IL16: variants seen among roughly 807,000 people sequenced by gnomAD.
IL16 encodes the protein pro-interleukin-16.
A neutral mutation model predicts 110.1 loss-of-function variants in IL16; 67 were observed. The observed-to-expected ratio is 0.61, with a 90% CI of 0.50 to 0.75. IL16 has a LOEUF of 0.75. Among genes scored for constraint, IL16 ranks in the 30% least tolerant of loss-of-function variants. IL16 has a pLI of 0.00. For synonymous variants in IL16, 689 were observed against 662.9 expected, an observed-to-expected ratio of 1.04 and a Z score of -0.61; for missense variants, 1,545 against 1,655.0, an observed-to-expected ratio of 0.93 and a Z score of 1.15.
At chr15:81,216,042 G>C (rs66484136) in intron 1 of IL16, among the ~76,000 whole-genome samples, 12,817 of 152,254 alleles carry the variant, frequency 0.084, 548 homozygotes, top group Middle Eastern at 0.1. Flanking sequence ...ATGTAGGAAG[G>C]CTTGCAGAAC....
chr15:81,282,402 C>A (rs8025180), intron 8 of IL16, among the ~76,000 whole-genome samples: 3 of 152,112 alleles, frequency 2.0e-5, no homozygotes, highest in Non-Finnish European at 2.9e-5. Flanking sequence ...CTCCTTCCCT[C>A]CTTCCCTTCC....
rs754106914 is a variant in IL16, at chr15:81,308,588, C to A, written c.3806-17C>A. 7 of 1,580,832 alleles carry A rather than the reference C, an allele frequency of 4.4e-6. No individual in the cohort carries two copies. Among genetic ancestry groups the A allele is most frequent in the Non-Finnish European group, 6.0e-6 (7 of 1,164,120 alleles). ...CCCCATCATCTGTGGAACCCATTAC[C>A]TTCTCCCTCATTTCAGGAGCAGCCT... On this transcript the variant is annotated splice_polypyrimidine_tract_variant and intron_variant, in intron 18 of 18. Transcript: ENST00000683961.
At chr15:81,286,380 G>A (rs1199534051) in intron 10 of IL16, among the ~76,000 whole-genome samples, 1 of 152,200 alleles carries the variant, frequency 6.6e-6, no homozygotes, top group Non-Finnish European at 1.5e-5. Context: ...GATCATTCCA[G>A]GAGGTGGGAA....
intron 4 of IL16, among the ~76,000 whole-genome samples, chr15:81,269,144 C>T (rs1043576791): frequency 1.3e-5 from 2 of 152,238 alleles, no homozygotes; most frequent in Admixed American, 6.5e-5. Context: ...GGGGAGTTCT[C>T]AGTAAATGTG....
At position 81,185,796 on chromosome 15, in the gene IL16, A is replaced by G. The variant is rs1268093367; in HGVS notation, c.40+2900A>G. On this transcript the variant is annotated intron_variant, in intron 1 of 18. Coordinates refer to the IL16 transcript ENST00000302987. Reference sequence around the variant, plus strand: ...CGTGGGGCTTCCCTGAGGAGGTGCTATTTGAGTTGTTTTCTGAAGGGTGTG... The same window carrying G: ...CGTGGGGCTTCCCTGAGGAGGTGCTGTTTGAGTTGTTTTCTGAAGGGTGTG... 5.9e-5 allele frequency among the ~76,000 whole-genome samples: 9 copies of G among 152,252 alleles called. No individual in the cohort carries two copies. The East Asian group carries it at 1.7e-3, about 29-fold the overall frequency.
At chr15:81,231,537 T>C (rs1896989286) in intron 2 of IL16, among the ~76,000 whole-genome samples, 1 of 152,116 alleles carries the variant, frequency 6.6e-6, no homozygotes, top group Non-Finnish European at 1.5e-5. Context: ...CATGCCTGGC[T>C]AATTTTTGTA....
intron 1 of IL16, among the ~76,000 whole-genome samples, chr15:81,215,543 C>T (rs1896394975): frequency 6.6e-6 from 1 of 152,184 alleles, no homozygotes; most frequent in South Asian, 2.1e-4. Context: ...CAAATGGCCC[C>T]TTCACCAGGT....
At chr15:81,188,523 C>T in intron 1 of IL16, 1 of 444,090 alleles carries the variant, frequency 2.3e-6, no homozygotes, top group South Asian at 1.6e-5. Context: ...TCCCTCAGGT[C>T]AGACACTAGT....
At chr15:81,225,186 T>C in intron 1 of IL16, 113 bp from the exon 2 acceptor site, 1 of 811,926 alleles carries the variant, frequency 1.2e-6, no homozygotes, top group Non-Finnish European at 1.9e-6. Context: ...GATCTGCCCA[T>C]CTGTCCTGCT....
At chr15:81,278,689 A>G (rs1041512125) in intron 6 of IL16, 128 bp from the exon 7 acceptor site, 3 of 713,562 alleles carry the variant, frequency 4.2e-6, no homozygotes, top group Non-Finnish European at 5.1e-6. Flanking sequence ...AAAATGAGAA[A>G]ATGTTCTTCC....
intron 9 of IL16, among the ~76,000 whole-genome samples, chr15:81,283,707 T>C (rs990831751): frequency 2.6e-5 from 4 of 152,178 alleles, no homozygotes; most frequent in African/African-American, 9.7e-5. Flanking sequence ...GGTGGCTTAA[T>C]GACAAAAATA....
At chr15:81,247,697 G>T (rs138212081) in intron 2 of IL16, among the ~76,000 whole-genome samples, 1 of 152,040 alleles carries the variant, frequency 6.6e-6, no homozygotes, top group African/African-American at 2.4e-5. Flanking sequence ...CTACTTCAGC[G>T]AAGATACCAA....
At chr15:81,280,993 C>T (rs184217088) in intron 8 of IL16, among the ~76,000 whole-genome samples, 86 of 152,284 alleles carry the variant, frequency 5.6e-4, no homozygotes, top group African/African-American at 2.0e-3. Flanking sequence ...TCTTAGACTC[C>T]ACCCCCAGAG....
At chr15:81,194,308 C>A (rs74030006), upstream of IL16, among the ~76,000 whole-genome samples, 8,912 of 152,094 alleles carry the variant, frequency 0.059, 891 homozygotes, top group African/African-American at 0.2. Flanking sequence ...AGGAGATGAC[C>A]CTGTTGTGTC....
rs1253269083 is a variant in IL16, at chr15:81,310,873, C to T, written c.*2075C>T. On this transcript the variant is annotated 3_prime_UTR_variant, in exon 19 of 19. Coordinates refer to ENST00000683961, the MANE Select transcript of IL16 (RefSeq NM_172217.5). ...AGCAAGTGATTGGGACAGAGGTTAT[C>T]TGTCCCAGGTTATCTGGGCATAGAT... 2 of 152,264 alleles carry T rather than the reference C, an allele frequency of 1.3e-5. No homozygotes were observed. Among genetic ancestry groups the T allele is most frequent in the African/African-American group, 4.8e-5 (2 of 41,460 alleles). 9.4% of individuals were successfully genotyped at this position (152,264 alleles called of 1,614,324 possible).
At chr15:81,201,666 T>A (rs990873712) in intron 1 of IL16, among the ~76,000 whole-genome samples, 1 of 152,224 alleles carries the variant, frequency 6.6e-6, no homozygotes, top group African/African-American at 2.4e-5. Flanking sequence ...TTTATTATAT[T>A]GCCACTTTGT....
chr15:81,231,668 C>T (rs1480398304), intron 2 of IL16, among the ~76,000 whole-genome samples: 4 of 152,196 alleles, frequency 2.6e-5, no homozygotes, highest in Non-Finnish European at 4.4e-5. Flanking sequence ...CCACTCTGCT[C>T]GGCCTACCCA....
upstream of IL16, chr15:81,196,794 C>T: frequency 3.7e-6 from 4 of 1,080,594 alleles, no homozygotes; most frequent in Non-Finnish European, 2.3e-6. Flanking sequence ...ACTGGCAGCC[C>T]CCCTTTTTGG....
intron 2 of IL16, among the ~76,000 whole-genome samples, chr15:81,229,052 AT>A (rs1309142118): frequency 6.6e-6 from 1 of 152,202 alleles, no homozygotes; most frequent in Non-Finnish European, 1.5e-5. Context: ...TATTATTTCT[AT>A]TTTAGCATGG....
Sources: allele counts gnomAD v4.1 joint callset (sites outside exome capture counted in the v4.1 genomes callset), GRCh38; gene constraint gnomAD v4.1.1; transcripts MANE v1.5; gene names NCBI Gene and HGNC (gene_info 2026-07-23, HGNC 2026-07-21).